NDFIP2: variants seen among roughly 807,000 people sequenced by gnomAD.
NDFIP2 encodes the protein NEDD4 family-interacting protein 2.
NDFIP2 carries 19 observed loss-of-function variants against 36.0 expected under a neutral mutation model. The observed-to-expected ratio is 0.53, with a 90% confidence interval of 0.37 to 0.77. The LOEUF (loss-of-function observed/expected upper bound fraction) is 0.77, where lower values mean the gene tolerates loss of function less well. Ranked by LOEUF, NDFIP2 falls within the 30% of genes least tolerant of loss-of-function variation. The pLI, the probability that NDFIP2 is intolerant of heterozygous loss-of-function variation, is 0.00. For synonymous variants in NDFIP2, 181 were observed against 167.7 expected, an observed-to-expected ratio of 1.08 and a Z score of -0.61; for missense variants, 446 against 435.8, an observed-to-expected ratio of 1.02 and a Z score of -0.21.
chr13:79,546,238 T>A (rs1279291513), intron 5 of NDFIP2, among the ~76,000 whole-genome samples: 3 of 152,176 alleles, frequency 2.0e-5, no homozygotes, highest in African/African-American at 7.2e-5. Context: ...AATTTATAAA[T>A]CATACTGCCG....
chr13:79,514,704 T>C (rs982585115), intron 1 of NDFIP2, among the ~76,000 whole-genome samples: 2 of 152,230 alleles, frequency 1.3e-5, no homozygotes, highest in Non-Finnish European at 2.9e-5. Context: ...CTTAGTGTTA[T>C]TTAAAGCAAA....
intron 3 of NDFIP2, among the ~76,000 whole-genome samples, chr13:79,536,590 A>G (rs1249124353): frequency 6.6e-6 from 1 of 152,206 alleles, no homozygotes; most frequent in Non-Finnish European, 1.5e-5. Flanking sequence ...TTTTTTAAAC[A>G]TCTTATATAA....
intron 2 of NDFIP2, among the ~76,000 whole-genome samples, chr13:79,531,219 A>G (rs1371043295): frequency 1.3e-5 from 2 of 152,238 alleles, no homozygotes; most frequent in South Asian, 4.1e-4. Context: ...CTGAGCTTTC[A>G]ACAGTGGACT....
At chr13:79,488,101 T>G (rs1175404740) in intron 1 of NDFIP2, among the ~76,000 whole-genome samples, 1 of 152,134 alleles carries the variant, frequency 6.6e-6, no homozygotes, top group African/African-American at 2.4e-5. Context: ...TGTCAATGTC[T>G]GATTTTTATT....
intron 1 of NDFIP2, among the ~76,000 whole-genome samples, chr13:79,512,300 T>A (rs893866975): frequency 6.6e-6 from 1 of 152,188 alleles, no homozygotes; most frequent in Non-Finnish European, 1.5e-5. Flanking sequence ...ACTTAAAAAT[T>A]TAAATTGTTT....
At chr13:79,521,272 A>G (rs1277456421) in intron 2 of NDFIP2, among the ~76,000 whole-genome samples, 1 of 152,138 alleles carries the variant, frequency 6.6e-6, no homozygotes, top group Non-Finnish European at 1.5e-5. Context: ...TCCCATACAT[A>G]TGATAATTAC....
At chr13:79,535,320 A>C (rs1169001236) in intron 3 of NDFIP2, among the ~76,000 whole-genome samples, 2 of 152,194 alleles carry the variant, frequency 1.3e-5, no homozygotes, top group African/African-American at 4.8e-5. Flanking sequence ...ATAGAATTCT[A>C]AAGACAAGGT....
chr13:79,497,665 T>TG (rs1873487545), intron 1 of NDFIP2, among the ~76,000 whole-genome samples: 1 of 148,788 alleles, frequency 6.7e-6, no homozygotes, highest in Non-Finnish European at 1.5e-5. Flanking sequence ...TCTGAGTTTT[T>TG]TTTTTTTTTT....
chr13:79,507,786 A>G (rs1873927698), intron 1 of NDFIP2, among the ~76,000 whole-genome samples: 1 of 152,054 alleles, frequency 6.6e-6, no homozygotes, highest in Non-Finnish European at 1.5e-5. Flanking sequence ...CACCGTGGAC[A>G]TAATAGATGT....
chr13:79,505,885 C>T (rs1191662359), intron 1 of NDFIP2, among the ~76,000 whole-genome samples: 2 of 151,788 alleles, frequency 1.3e-5, no homozygotes, highest in Admixed American at 1.3e-4. Flanking sequence ...CTGGTATTTA[C>T]TCTATGTATT....
At chr13:79,502,439 A>G (rs1873702335) in intron 1 of NDFIP2, among the ~76,000 whole-genome samples, 1 of 152,200 alleles carries the variant, frequency 6.6e-6, no homozygotes, top group African/African-American at 2.4e-5. Context: ...GCTTCAGTCC[A>G]GTCCCTGGGT....
rs193292123 is a variant in NDFIP2 at position 79,509,854 on chromosome 13, T to A, written c.322-10956T>A. 1.4e-4 allele frequency among the ~76,000 whole-genome samples: 22 copies of A among 152,284 alleles called. 1 individual carries two copies. The highest frequency in any genetic ancestry group is 2.5e-4 in the Non-Finnish European group (17 of 68,024). ...GGAAGCATCCAGCACAGGAAAAAGA[T>A]GTAAGCAGGGCAGCTAGGCCAGTCT... On this transcript the variant is annotated intron_variant, in intron 1 of 7. Transcript: ENST00000218652.
intron 7 of NDFIP2, among the ~76,000 whole-genome samples, chr13:79,551,704 A>G (rs1429383927): frequency 6.6e-6 from 1 of 151,484 alleles, no homozygotes. Flanking sequence ...AGGAATATGA[A>G]GAAATGAGTA....
chr13:79,492,283 GT>G (rs1873254839), intron 1 of NDFIP2, among the ~76,000 whole-genome samples: 1 of 141,814 alleles, frequency 7.1e-6, no homozygotes, highest in African/African-American at 2.6e-5. Context: ...TTCTTTATAA[GT>G]GTTCAAAGTG....
chr13:79,500,090 C>G (rs1335276259), intron 1 of NDFIP2, among the ~76,000 whole-genome samples: 7 of 139,432 alleles, frequency 5.0e-5, no homozygotes, highest in Non-Finnish European at 1.1e-4. Flanking sequence ...CTGGTTTTAA[C>G]AAAGGAGTAA....
At chr13:79,528,405 T>A (rs1401948722) in intron 2 of NDFIP2, among the ~76,000 whole-genome samples, 1 of 152,174 alleles carries the variant, frequency 6.6e-6, no homozygotes, top group Non-Finnish European at 1.5e-5. Flanking sequence ...TAAAAGTATA[T>A]AAAGTAAAAA....
At chr13:79,548,542 T>C (rs1336919297) in intron 6 of NDFIP2, 148 bp downstream of exon 6, 2 of 657,514 alleles carry the variant, frequency 3.0e-6, no homozygotes, top group East Asian at 5.3e-5. Context: ...TTTTAAACTA[T>C]TCTATATAGC....
At chr13:79,537,695 T>C (rs1293061623) in intron 3 of NDFIP2, among the ~76,000 whole-genome samples, 1 of 152,208 alleles carries the variant, frequency 6.6e-6, no homozygotes, top group Non-Finnish European at 1.5e-5. Flanking sequence ...TTAGTGAGAC[T>C]ACCATGATTG....
chr13:79,549,295 A>G (rs1357016565), intron 6 of NDFIP2, among the ~76,000 whole-genome samples: 2 of 152,100 alleles, frequency 1.3e-5, no homozygotes, highest in Admixed American at 6.6e-5. Flanking sequence ...CCAGTTTTAT[A>G]TTATGTGTTC....
Sources: gnomAD v4.1 joint callset for allele counts (sites outside exome capture counted in the v4.1 genomes callset) on GRCh38, gnomAD v4.1.1 for gene constraint, MANE v1.5 for transcripts, NCBI Gene and HGNC (gene_info 2026-07-23, HGNC 2026-07-21) for gene names.